The following GALNT13 variants were observed in gnomAD, a reference collection of about 807,000 sequenced individuals.
GALNT13 encodes the protein UDP-GalNAc:polypeptide N-acetylgalactosaminyltransferase 13.
In GALNT13, 28 loss-of-function variants were observed where a neutral mutation model predicts 64.2. The observed-to-expected ratio is 0.44, with a 90% CI of 0.32 to 0.60. The LOEUF (loss-of-function observed/expected upper bound fraction) is 0.60, where lower values mean the gene tolerates loss of function less well. Among genes scored for constraint, GALNT13 ranks in the 20% least tolerant of loss-of-function variants. The probability of loss-of-function intolerance (pLI) is 0.05; values close to 1 mark genes in which losing one functional copy is unlikely to be tolerated. For missense variants in GALNT13, 577 were observed against 669.8 expected, an observed-to-expected ratio of 0.86 and a Z score of 1.53; for synonymous variants, 214 against 224.6, an observed-to-expected ratio of 0.95 and a Z score of 0.42.
intron 3 of GALNT13, among the ~76,000 whole-genome samples, chr2:154,009,736 C>G (rs575728196): frequency 2.0e-5 from 3 of 151,968 alleles, no homozygotes; most frequent in Non-Finnish European, 4.4e-5. Flanking sequence ...GTGATCCACC[C>G]GCCTCGGCCT....
intron 1 of GALNT13, among the ~76,000 whole-genome samples, chr2:153,891,377 A>T (rs144347101): frequency 1.1e-4 from 16 of 151,956 alleles, no homozygotes; most frequent in African/African-American, 3.9e-4. Context: ...TTTTCTTCTC[A>T]AATTCCACTG....
intron 3 of GALNT13, among the ~76,000 whole-genome samples, chr2:154,066,498 A>C (rs139064509): frequency 2.0e-5 from 2 of 98,164 alleles, no homozygotes; most frequent in African/African-American, 5.4e-5. Flanking sequence ...AAAAGAGACA[A>C]ATAACATACA....
At chr2:153,251,806 T>C in the GALNT13 span, among the ~76,000 whole-genome samples, 147 of 152,130 alleles carry the variant, frequency 9.7e-4, no homozygotes, top group Middle Eastern at 3.4e-3. Flanking sequence ...GAACTCATCA[T>C]TTTTTATGGC....
chr2:153,362,351 A>G, the GALNT13 span, among the ~76,000 whole-genome samples: 1 of 152,126 alleles, frequency 6.6e-6, no homozygotes. Flanking sequence ...TAGCATCATG[A>G]TGACAGGATC....
At chr2:153,669,283 A>T in the GALNT13 span, among the ~76,000 whole-genome samples, 5 of 152,144 alleles carry the variant, frequency 3.3e-5, no homozygotes, top group Non-Finnish European at 7.4e-5. Context: ...GTACATGTGC[A>T]CATGTGAAAC....
intron 9 of GALNT13, among the ~76,000 whole-genome samples, chr2:154,394,479 A>C (rs564523810): frequency 8.7e-4 from 132 of 152,296 alleles, no homozygotes; most frequent in African/African-American, 3.0e-3. Context: ...CACCCACCTC[A>C]AAAATGAAAA....
At chr2:153,120,709 G>A in the GALNT13 span, among the ~76,000 whole-genome samples, 1 of 152,124 alleles carries the variant, frequency 6.6e-6, no homozygotes, top group African/African-American at 2.4e-5. Context: ...TTTAGTACAA[G>A]CAATTTTGTA....
chr2:153,585,183 A>T, the GALNT13 span, among the ~76,000 whole-genome samples: 23 of 152,216 alleles, frequency 1.5e-4, no homozygotes, highest in Non-Finnish European at 2.6e-4. Flanking sequence ...CAGAAAATCA[A>T]TTCAGGAAGT....
chr2:153,566,097 C>T, the GALNT13 span, among the ~76,000 whole-genome samples: 1 of 151,842 alleles, frequency 6.6e-6, no homozygotes, highest in East Asian at 1.9e-4. Context: ...AGCATTGAAA[C>T]AACTTAGAAG....
the GALNT13 span, among the ~76,000 whole-genome samples, chr2:153,586,505 C>T: frequency 6.6e-6 from 1 of 152,128 alleles, no homozygotes; most frequent in Non-Finnish European, 1.5e-5. Context: ...AACACATATG[C>T]AGCCAACACT....
chr2:154,292,517 G>C (rs1692703596), intron 8 of GALNT13, among the ~76,000 whole-genome samples: 1 of 152,030 alleles, frequency 6.6e-6, no homozygotes, highest in African/African-American at 2.4e-5. Context: ...ATTTTACCAG[G>C]TTTGCTGGGC....
intron 4 of GALNT13, among the ~76,000 whole-genome samples, chr2:154,185,768 A>G (rs750208732): frequency 1.3e-5 from 2 of 151,886 alleles, no homozygotes; most frequent in Non-Finnish European, 2.9e-5. Context: ...TTAGTAATCT[A>G]TAAGTTATGT....
chr2:154,394,876 A>G (rs1698984014), intron 9 of GALNT13, among the ~76,000 whole-genome samples: 1 of 152,224 alleles, frequency 6.6e-6, no homozygotes, highest in Non-Finnish European at 1.5e-5. Context: ...ACACTATGGC[A>G]TTTAATTTTG....
the GALNT13 span, among the ~76,000 whole-genome samples, chr2:153,268,809 G>A: frequency 1.3e-5 from 2 of 152,206 alleles, no homozygotes; most frequent in African/African-American, 4.8e-5. Context: ...AGCCACCAAG[G>A]CTTGGGGCTT....
the GALNT13 span, among the ~76,000 whole-genome samples, chr2:153,381,687 A>G: frequency 1.3e-5 from 2 of 152,152 alleles, no homozygotes; most frequent in African/African-American, 4.8e-5. Flanking sequence ...AATCTTGGAC[A>G]GAAAAGAAAA....
chr2:154,231,736 G>C (rs1688926506), intron 4 of GALNT13, among the ~76,000 whole-genome samples: 1 of 147,576 alleles, frequency 6.8e-6, no homozygotes, highest in African/African-American at 2.5e-5. Flanking sequence ...CTATTAGGTT[G>C]GTGCAAAAGT....
At chr2:153,944,184 G>T (rs1184093377) in intron 2 of GALNT13, among the ~76,000 whole-genome samples, 1 of 152,178 alleles carries the variant, frequency 6.6e-6, no homozygotes, top group Non-Finnish European at 1.5e-5. Flanking sequence ...GCCTGGCAGA[G>T]TAGTGGCAGA....
At chr2:154,317,325 T>C (rs182359798) in intron 9 of GALNT13, among the ~76,000 whole-genome samples, 3 of 152,250 alleles carry the variant, frequency 2.0e-5, no homozygotes, top group Admixed American at 1.3e-4. Context: ...CAATTTTAAA[T>C]TCTAGATCAA....
At chr2:153,219,148 C>T in the GALNT13 span, among the ~76,000 whole-genome samples, 1 of 152,196 alleles carries the variant, frequency 6.6e-6, no homozygotes, top group Non-Finnish European at 1.5e-5. Context: ...GCATCCAATT[C>T]ATCAGGGAAT....
Sources: allele counts gnomAD v4.1 joint callset (sites outside exome capture counted in the v4.1 genomes callset), GRCh38; gene constraint gnomAD v4.1.1; transcripts MANE v1.5; gene names NCBI Gene and HGNC (gene_info 2026-07-23, HGNC 2026-07-21).